Variants in MRPL42 observed in about 807,000 individuals in gnomAD.
MRPL42 encodes the protein mitochondrial ribosomal protein L42, also known as large ribosomal subunit protein mL42.
In MRPL42, 17 loss-of-function variants were observed where a neutral mutation model predicts 17.9. The observed-to-expected ratio is 0.95, with a 90% CI of 0.65 to 1.42. The LOEUF (loss-of-function observed/expected upper bound fraction) is 1.42, where lower values mean the gene tolerates loss of function less well. Ranked by LOEUF, MRPL42 falls within the 40% of genes most tolerant of loss-of-function variation. MRPL42 has a pLI of 0.00. For synonymous variants in MRPL42, 59 were observed against 54.4 expected, an observed-to-expected ratio of 1.08 and a Z score of -0.37; for missense variants, 177 against 175.2, an observed-to-expected ratio of 1.01 and a Z score of -0.06.
At chr12:93,497,695 T>A (rs1451724955) in intron 5 of MRPL42, among the ~76,000 whole-genome samples, 1 of 149,444 alleles carries the variant, frequency 6.7e-6, no homozygotes, top group Non-Finnish European at 1.5e-5. Flanking sequence ...CTCACACTAC[T>A]CCTATTCAAC....
intron 5 of MRPL42, among the ~76,000 whole-genome samples, chr12:93,491,944 G>A (rs1423745999): frequency 6.6e-6 from 1 of 152,218 alleles, no homozygotes; most frequent in Non-Finnish European, 1.5e-5. Context: ...CAAAGGACAT[G>A]ATTTTGTTCT....
chr12:93,479,924 T>C (rs1880377574), intron 4 of MRPL42, among the ~76,000 whole-genome samples: 1 of 151,718 alleles, frequency 6.6e-6, no homozygotes, highest in South Asian at 2.1e-4. Context: ...TATGTTTTAA[T>C]GGGCCAACAT....
At position 93,510,664 on chromosome 12, in the gene MRPL42, G is replaced by A. The variant is rs955827115; in HGVS notation, c.*9443G>A. On this transcript the variant is annotated 3_prime_UTR_variant, in exon 6 of 6. Coordinates refer to ENST00000549982, the MANE Select transcript of MRPL42 (RefSeq NM_014050.4). ...AAAGGTGTGTAGTGGTGTCTCACTT[G>A]TTTTGTGTTTTTCTCTGCTCAGACA... The A allele has an allele frequency of 6.6e-6, 1 of 152,112 alleles. No individual in the cohort carries two copies. The highest frequency in any genetic ancestry group is 6.5e-5 in the Admixed American group (1 of 15,276). The allele number at this position is 152,112 out of a possible 1,614,324, so 9.4% of individuals were successfully genotyped here.
chr12:93,478,064 C>T (rs535136026), intron 3 of MRPL42, among the ~76,000 whole-genome samples: 1 of 152,234 alleles, frequency 6.6e-6, no homozygotes, highest in South Asian at 2.1e-4. Context: ...TCAAGTAATC[C>T]TCTTGCCTCA....
intron 5 of MRPL42, among the ~76,000 whole-genome samples, chr12:93,496,055 T>TTTTTTG (rs1423688606): frequency 1.3e-5 from 2 of 152,002 alleles, no homozygotes; most frequent in Non-Finnish European, 2.9e-5. Flanking sequence ...GATGTTTGGG[T>TTTTTTG]TTTTTGTTTT....
At chr12:93,473,927 C>G (rs1880032027) in intron 2 of MRPL42, among the ~76,000 whole-genome samples, 1 of 152,102 alleles carries the variant, frequency 6.6e-6, no homozygotes, top group Non-Finnish European at 1.5e-5. Flanking sequence ...TCGGCAATCA[C>G]TTTTTAATGT....
intron 4 of MRPL42, among the ~76,000 whole-genome samples, chr12:93,480,749 G>A (rs1880421822): frequency 6.7e-6 from 1 of 149,314 alleles, no homozygotes; most frequent in Non-Finnish European, 1.5e-5. Flanking sequence ...ACCATGTTGG[G>A]CAGTATGGTC....
rs556130444 is a variant in MRPL42, at chr12:93,501,127, A to G, written c.384-49A>G. The G allele has an allele frequency of 2.1e-6, 3 of 1,401,514 alleles. No individual in the cohort carries two copies. In the African/African-American group the frequency reaches 4.6e-5, roughly 21 times the overall value. 86.8% of individuals were successfully genotyped at this position (1,401,514 alleles called of 1,614,324 possible). A position where few individuals can be genotyped will look rare whatever the true frequency, so the allele number is the denominator to read the frequency against. On this transcript the variant is annotated intron_variant, in intron 5 of 5. Transcript: ENST00000549982. Reference sequence around the variant, plus strand: ...CATAGAAGTTAGATTTTTATCAGGAATAATTTTTATTAAAATCATCTTATT... The same window carrying G: ...CATAGAAGTTAGATTTTTATCAGGAGTAATTTTTATTAAAATCATCTTATT...
chr12:93,488,167 T>G (rs995733555), intron 5 of MRPL42: 2 of 363,852 alleles, frequency 5.5e-6, no homozygotes, highest in African/African-American at 4.2e-5. Context: ...AGGCGGGGTT[T>G]TACCGTGTTA....
Position 93,514,188 on chromosome 12 carries a change from G to A in MRPL42, c.*12967G>A, listed in dbSNP as rs1156899734. 1.3e-5 allele frequency: 2 copies of A among 151,990 alleles called. No individual in the cohort carries two copies. The highest frequency in any genetic ancestry group is 3.9e-4 in the East Asian group (2 of 5,182). 9.4% of individuals were successfully genotyped at this position (151,990 alleles called of 1,614,324 possible). ...AGTGTACTTTCTGGAATATTATTCA[G>A]CTTTCTCTTGAATTCTTTTAGTAAC... On this transcript the variant is annotated 3_prime_UTR_variant, in exon 6 of 6. Transcript: ENST00000549982.
chr12:93,486,744 T>TA (rs1266702042), intron 4 of MRPL42, among the ~76,000 whole-genome samples: 2 of 152,210 alleles, frequency 1.3e-5, no homozygotes, highest in Non-Finnish European at 2.9e-5. Flanking sequence ...GCATAATTTA[T>TA]ACCTTTGAGA....
At chr12:93,484,166 G>A (rs1302568583) in intron 4 of MRPL42, among the ~76,000 whole-genome samples, 2 of 152,044 alleles carry the variant, frequency 1.3e-5, no homozygotes, top group East Asian at 1.9e-4. Flanking sequence ...GTAGGAGTAC[G>A]CTCTAAAATA....
Position 93,479,425 on chromosome 12 carries a change from A to G in MRPL42, c.172A>G (p.Ile58Val), listed in dbSNP as rs1565811559. 6.2e-7 allele frequency: 1 copy of G among 1,612,238 alleles called. No individual in the cohort carries two copies. Among genetic ancestry groups the G allele is most frequent in the East Asian group, 2.2e-5 (1 of 44,842 alleles). The change falls in exon 4 of 6, where the codon ATA becomes GTA. Residue 58 changes from isoleucine (I) to valine (V), a missense_variant. Transcript: ENST00000549982. ...ELALTSDGRT[I>V]VCYHPSVDIP... ...TGCTCTGACTTCTGATGGCAGGACA[A>G]TAGTATGCTACCACCCTTCTGTGGA...
intron 1 of MRPL42, among the ~76,000 whole-genome samples, chr12:93,468,955 C>T (rs1434549968): frequency 1.3e-5 from 2 of 152,284 alleles, no homozygotes; most frequent in East Asian, 3.9e-4. Context: ...GCACTGGGTC[C>T]TGCAGAGAAG....
rs1953710730 is a variant in MRPL42, at chr12:93,509,894, A to T, written c.*8673A>T. On this transcript the variant is annotated 3_prime_UTR_variant, in exon 6 of 6. Transcript: ENST00000549982. ...CCTCCCCCATGCCTCCCTCATCACC[A>T]TCCCCCAGCAGAGTGGCACATTGGT... 1 of 152,034 alleles carries T rather than the reference A, an allele frequency of 6.6e-6. No homozygotes were observed. The highest frequency in any genetic ancestry group is 1.5e-5 in the Non-Finnish European group (1 of 68,020). The allele number at this position is 152,034 out of a possible 1,614,324, so 9.4% of individuals were successfully genotyped here. A position where few individuals can be genotyped will look rare whatever the true frequency, so the allele number is the denominator to read the frequency against.
At chr12:93,488,891 A>G (rs1953361811) in intron 5 of MRPL42, among the ~76,000 whole-genome samples, 1 of 148,060 alleles carries the variant, frequency 6.8e-6, no homozygotes. Flanking sequence ...AGGTCTCATT[A>G]TGTTACCCAG....
chr12:93,470,531 T>C (rs1295400097), intron 2 of MRPL42: 1 of 1,296,158 alleles, frequency 7.7e-7, no homozygotes, highest in Admixed American at 2.3e-5. Flanking sequence ...GTATTACATA[T>C]ACTGAGGTTT....
At chr12:93,481,114 A>G (rs1880439028) in intron 4 of MRPL42, among the ~76,000 whole-genome samples, 1 of 152,170 alleles carries the variant, frequency 6.6e-6, no homozygotes, top group South Asian at 2.1e-4. Context: ...ATTTCATAGC[A>G]TCCAGACTCT....
rs111976729 is a variant in MRPL42 at position 93,513,160 on chromosome 12, C to A, written c.*11939C>A. On this transcript the variant is annotated 3_prime_UTR_variant, in exon 6 of 6. Coordinates refer to ENST00000549982, the MANE Select transcript of MRPL42 (RefSeq NM_014050.4). ...ATTACATATTTTAACGAGAAAGAAA[C>A]CAGCTCATTTGTGACATTTAGAATT... 0.025 allele frequency: 3,735 copies of A among 149,690 alleles called. 59 individuals carry two copies. The highest frequency in any genetic ancestry group is 0.067 in the Middle Eastern group (19 of 284). The allele number at this position is 149,690 out of a possible 1,614,324, so 9.3% of individuals were successfully genotyped here.
Sources: allele counts gnomAD v4.1 joint callset (sites outside exome capture counted in the v4.1 genomes callset), GRCh38; gene constraint gnomAD v4.1.1; transcripts MANE v1.5; gene names NCBI Gene and HGNC (gene_info 2026-07-23, HGNC 2026-07-21).